The following ISCA1 variants were observed in gnomAD, a reference collection of about 807,000 sequenced individuals.
The protein encoded by ISCA1 is iron-sulfur cluster assembly 1 homolog, mitochondrial.
A neutral mutation model predicts 14.7 loss-of-function variants in ISCA1; 9 were observed. The ratio of observed to expected loss-of-function variants is 0.61; its 90% CI spans 0.37 to 1.07. The LOEUF (loss-of-function observed/expected upper bound fraction) is 1.07, where lower values mean the gene tolerates loss of function less well. ISCA1 is among the 50% of genes least tolerant of loss of function. The pLI is 0.01. For missense variants in ISCA1, 102 were observed against 150.1 expected (o/e 0.68, Z 1.67); for synonymous variants, 38 against 54.3 (o/e 0.70, Z 1.32).
chr9:86,277,444 A>G (rs957774937), intron 1 of ISCA1, among the ~76,000 whole-genome samples: 4 of 152,204 alleles, frequency 2.6e-5, no homozygotes, highest in African/African-American at 7.2e-5. Context: ...TTTTCAGAAC[A>G]AGGGAGAGTG....
At chr9:86,280,102 T>C (rs959710318) in intron 1 of ISCA1, among the ~76,000 whole-genome samples, 1 of 152,206 alleles carries the variant, frequency 6.6e-6, no homozygotes, top group Non-Finnish European at 1.5e-5. Flanking sequence ...GGGGAGCAAG[T>C]GTGGAGAGAG....
intron 1 of ISCA1, among the ~76,000 whole-genome samples, chr9:86,279,988 G>A (rs1052807428): frequency 6.6e-5 from 10 of 152,190 alleles, no homozygotes; most frequent in African/African-American, 2.2e-4. Context: ...ACTTAAGTAG[G>A]ACAACAGAGT....
intron 1 of ISCA1, among the ~76,000 whole-genome samples, chr9:86,277,032 G>A (rs1036521463): frequency 6.6e-6 from 1 of 152,004 alleles, no homozygotes; most frequent in Non-Finnish European, 1.5e-5. Flanking sequence ...ACACTACTCC[G>A]TTTACCAGCC....
At chr9:86,272,847 A>G (rs1825388512) in intron 2 of ISCA1, among the ~76,000 whole-genome samples, 1 of 152,238 alleles carries the variant, frequency 6.6e-6, no homozygotes, top group African/African-American at 2.4e-5. Context: ...AATGCTACAT[A>G]AACAGTTGTT....
At chr9:86,280,346 G>T (rs1825494006) in intron 1 of ISCA1, among the ~76,000 whole-genome samples, 1 of 152,146 alleles carries the variant, frequency 6.6e-6, no homozygotes, top group Admixed American at 6.5e-5. Context: ...AGCACTTTGG[G>T]AGGCTGAGAC....
At chr9:86,275,626 T>C (rs1387834224) in intron 1 of ISCA1, among the ~76,000 whole-genome samples, 1 of 152,242 alleles carries the variant, frequency 6.6e-6, no homozygotes, top group Non-Finnish European at 1.5e-5. Context: ...TGTTGTTTAG[T>C]AAAACTTTTA....
At chr9:86,277,236 T>A (rs1047246777) in intron 1 of ISCA1, among the ~76,000 whole-genome samples, 1 of 152,146 alleles carries the variant, frequency 6.6e-6, no homozygotes, top group African/African-American at 2.4e-5. Context: ...AAGGACTCTT[T>A]AAGGGAAAAG....
chr9:86,281,205 G>T (rs954260410), intron 1 of ISCA1, among the ~76,000 whole-genome samples: 22 of 152,040 alleles, frequency 1.4e-4, no homozygotes, highest in Non-Finnish European at 1.0e-4. Context: ...CAGAAAAGAG[G>T]TAATATAGAA....
chr9:86,278,341 T>C (rs1825467560), intron 1 of ISCA1, among the ~76,000 whole-genome samples: 1 of 152,320 alleles, frequency 6.6e-6, no homozygotes, highest in South Asian at 2.1e-4. Context: ...TATGTGTATA[T>C]ACACATCCAA....
chr9:86,279,733 CTT>C (rs1825485539), intron 1 of ISCA1, among the ~76,000 whole-genome samples: 1 of 152,194 alleles, frequency 6.6e-6, no homozygotes, highest in Non-Finnish European at 1.5e-5. Flanking sequence ...ATTACGTATA[CTT>C]TTGTTTGCTC....
chr9:86,281,936 T>G (rs1487223115), intron 1 of ISCA1: 3 of 158,926 alleles, frequency 1.9e-5, no homozygotes, highest in Non-Finnish European at 4.1e-5. Flanking sequence ...CAGCGGTCCT[T>G]CGGACAGCCT....
chr9:86,272,497 A>G (rs141928809), intron 2 of ISCA1, among the ~76,000 whole-genome samples: 282 of 152,362 alleles, frequency 1.9e-3, no homozygotes, highest in Non-Finnish European at 3.5e-3. Flanking sequence ...ACTTGTGTAC[A>G]GTCTCAAATA....
chr9:86,267,280 G>T, intron 3 of ISCA1: 1 of 811,048 alleles, frequency 1.2e-6, no homozygotes, highest in Non-Finnish European at 1.5e-6. Flanking sequence ...ACAAGAAATT[G>T]AGCCATTAGC....
chr9:86,279,201 C>T (rs528420648), intron 1 of ISCA1, among the ~76,000 whole-genome samples: 1 of 152,312 alleles, frequency 6.6e-6, no homozygotes, highest in Non-Finnish European at 1.5e-5. Context: ...AGGCACCTTC[C>T]GTACACAATG....
At chr9:86,277,657 TA>T (rs1240983053) in intron 1 of ISCA1, among the ~76,000 whole-genome samples, 1 of 152,174 alleles carries the variant, frequency 6.6e-6, no homozygotes, top group Non-Finnish European at 1.5e-5. Flanking sequence ...AGCCTGCCAG[TA>T]CCAGTGCACT....
intron 3 of ISCA1, among the ~76,000 whole-genome samples, chr9:86,271,153 C>G (rs563504551): frequency 7.9e-5 from 12 of 151,996 alleles, no homozygotes; most frequent in Non-Finnish European, 1.3e-4. Context: ...TACGTTTACA[C>G]AAATACTTAC....
At chr9:86,267,734 G>T in intron 3 of ISCA1, 1 of 263,410 alleles carries the variant, frequency 3.8e-6, no homozygotes, top group Non-Finnish European at 5.9e-6. Flanking sequence ...TTGGGAGGCT[G>T]AGGTGGGAGG....
At position 86,271,598 on chromosome 9, in the gene ISCA1, G is replaced by A. The variant is rs117522510; in HGVS notation, c.241+409C>T. 4.0e-3 allele frequency among the ~76,000 whole-genome samples: 615 copies of A among 152,254 alleles called. 2 individuals carry two copies. Among genetic ancestry groups the A allele is most frequent in the Non-Finnish European group, 6.0e-3 (408 of 68,010 alleles). On this transcript the variant is annotated intron_variant, in intron 3 of 3. Transcript: ENST00000375991. ...TATTTGACACAGATATAAAACTACTGCTTACACAAAAACTGTTGGTTCACT... is the reference window on the plus strand; with the variant it reads ...TATTTGACACAGATATAAAACTACTACTTACACAAAAACTGTTGGTTCACT...
At chr9:86,281,877 G>C (rs530548988) in intron 1 of ISCA1, 1 of 154,000 alleles carries the variant, frequency 6.5e-6, no homozygotes, top group East Asian at 1.9e-4. Flanking sequence ...AGGAGCCGGG[G>C]GCTTTGTTGT....
Sources: gnomAD v4.1 joint callset for allele counts (sites outside exome capture counted in the v4.1 genomes callset) on GRCh38, gnomAD v4.1.1 for gene constraint, MANE v1.5 for transcripts, NCBI Gene and HGNC (gene_info 2026-07-23, HGNC 2026-07-21) for gene names.